Variants in CNTNAP2 observed in about 807,000 individuals in gnomAD.
CNTNAP2 encodes the protein contactin associated protein 2.
A neutral mutation model predicts 155.2 loss-of-function variants in CNTNAP2; 98 were observed. The ratio of observed to expected loss-of-function variants is 0.63; its 90% CI spans 0.54 to 0.75. CNTNAP2 has a LOEUF of 0.75. CNTNAP2 is among the 30% of genes least tolerant of loss of function. The pLI, the probability that CNTNAP2 is intolerant of heterozygous loss-of-function variation, is 0.00. For missense variants in CNTNAP2, 1,727 were observed against 1,688.1 expected, an observed-to-expected ratio of 1.02 and a Z score of -0.40; for synonymous variants, 651 against 631.2, an observed-to-expected ratio of 1.03 and a Z score of -0.47.
At chr7:146,852,472 C>T (rs1794897620) in intron 3 of CNTNAP2, among the ~76,000 whole-genome samples, 1 of 152,082 alleles carries the variant, frequency 6.6e-6, no homozygotes, top group African/African-American at 2.4e-5. Context: ...GAATCAATCT[C>T]CCACCCCGTC....
intron 8 of CNTNAP2, among the ~76,000 whole-genome samples, chr7:147,261,034 C>T (rs992761830): frequency 1.3e-5 from 2 of 152,152 alleles, no homozygotes; most frequent in African/African-American, 2.4e-5. Context: ...CATCTCTGTC[C>T]ACATTTTACA....
At chr7:147,804,210 T>C (rs1798053349) in intron 13 of CNTNAP2, among the ~76,000 whole-genome samples, 1 of 152,252 alleles carries the variant, frequency 6.6e-6, no homozygotes, top group Admixed American at 6.5e-5. Flanking sequence ...TGGAGTTTTT[T>C]CATACATTAT....
chr7:146,497,184 T>C (rs1251397640), intron 1 of CNTNAP2, among the ~76,000 whole-genome samples: 2 of 152,236 alleles, frequency 1.3e-5, no homozygotes, highest in African/African-American at 4.8e-5. Context: ...CTTAGTACTT[T>C]ATCTCCTCTG....
chr7:146,894,498 T>G (rs923985548), intron 3 of CNTNAP2, among the ~76,000 whole-genome samples: 1 of 152,180 alleles, frequency 6.6e-6, no homozygotes, highest in Admixed American at 6.5e-5. Context: ...ACTAGTTGTT[T>G]TCTTATGCTT....
At chr7:147,762,193 C>T (rs1204796090) in intron 13 of CNTNAP2, among the ~76,000 whole-genome samples, 2 of 110,200 alleles carry the variant, frequency 1.8e-5, no homozygotes, top group East Asian at 2.1e-4. Context: ...ACACACCATT[C>T]GGGTCAACAG....
chr7:146,400,354 G>A (rs1469849766), intron 1 of CNTNAP2, among the ~76,000 whole-genome samples: 2 of 152,084 alleles, frequency 1.3e-5, no homozygotes, highest in Non-Finnish European at 2.9e-5. Flanking sequence ...TATTGTTCTC[G>A]ACTTTGTTTC....
intron 11 of CNTNAP2, among the ~76,000 whole-genome samples, chr7:147,541,324 C>T (rs1393416436): frequency 6.6e-6 from 1 of 152,180 alleles, no homozygotes; most frequent in Non-Finnish European, 1.5e-5. Context: ...TGCTCTAAGC[C>T]TCACTTTCCT....
At chr7:147,435,288 G>A (rs1584946882) in intron 10 of CNTNAP2, among the ~76,000 whole-genome samples, 1 of 152,132 alleles carries the variant, frequency 6.6e-6, no homozygotes, top group Non-Finnish European at 1.5e-5. Context: ...AACTGCACGA[G>A]AGCCATCACA....
chr7:147,433,286 G>A (rs927146062), intron 10 of CNTNAP2, among the ~76,000 whole-genome samples: 15 of 152,112 alleles, frequency 9.9e-5, no homozygotes, highest in African/African-American at 3.6e-4. Context: ...AATTTGTTTA[G>A]GCGATAAATG....
chr7:147,198,766 T>C (rs758294985), intron 8 of CNTNAP2, among the ~76,000 whole-genome samples: 2 of 152,128 alleles, frequency 1.3e-5, no homozygotes, highest in Non-Finnish European at 2.9e-5. Flanking sequence ...GAATCATTTG[T>C]ATTTATCAAG....
intron 1 of CNTNAP2, among the ~76,000 whole-genome samples, chr7:146,325,562 G>A (rs564209962): frequency 6.6e-4 from 101 of 151,980 alleles, no homozygotes; most frequent in African/African-American, 2.1e-3. Context: ...AAAAACTGAA[G>A]GGGAAAAAGA....
chr7:146,889,051 G>A (rs1254150600), intron 3 of CNTNAP2, among the ~76,000 whole-genome samples: 1 of 151,784 alleles, frequency 6.6e-6, no homozygotes, highest in Admixed American at 6.6e-5. Flanking sequence ...AGGAAACATT[G>A]GGAACTGATA....
At chr7:148,288,690 G>A (rs1797133652) in intron 21 of CNTNAP2, among the ~76,000 whole-genome samples, 1 of 151,820 alleles carries the variant, frequency 6.6e-6, no homozygotes, top group Non-Finnish European at 1.5e-5. Flanking sequence ...TTTGAAAATT[G>A]TTCCAATCAT....
rs748180430 is a variant in CNTNAP2 at position 147,300,140 on chromosome 7, G to A, written c.1349-1G>A. Reference sequence around the variant, plus strand: ...AATGACTTTTATCTTGTACTTACCAGGTTCTGGGTTGAATGATGGACAGTG... The same window carrying A: ...AATGACTTTTATCTTGTACTTACCAAGTTCTGGGTTGAATGATGGACAGTG... On this transcript the variant is annotated splice_acceptor_variant, in intron 8 of 23. Coordinates refer to ENST00000361727, the MANE Select transcript of CNTNAP2 (RefSeq NM_014141.6). LOFTEE classifies it high-confidence loss of function. 2.5e-6 allele frequency: 4 copies of A among 1,613,966 alleles called. No individual in the cohort carries two copies. Among genetic ancestry groups the A allele is most frequent in the Non-Finnish European group, 3.4e-6 (4 of 1,179,918 alleles).
rs1199787676 is a variant in CNTNAP2, at chr7:147,151,830, G to A, written c.1348+19321G>A. 3.3e-5 allele frequency among the ~76,000 whole-genome samples: 5 copies of A among 152,086 alleles called. 1 individual carries two copies. In the East Asian group the frequency reaches 9.7e-4, roughly 29 times the overall value. On this transcript the variant is annotated intron_variant, in intron 8 of 23. Transcript: ENST00000361727. ...TCCAACATGTTTTCACTGCTCCTGAGCAGTTACAAACACAGCACAGAGCTG... is the reference window on the plus strand; with the variant it reads ...TCCAACATGTTTTCACTGCTCCTGAACAGTTACAAACACAGCACAGAGCTG...
chr7:146,352,750 GTT>G (rs531124445), intron 1 of CNTNAP2, among the ~76,000 whole-genome samples: 11 of 64,312 alleles, frequency 1.7e-4, no homozygotes, highest in African/African-American at 5.1e-4. Flanking sequence ...GCATAATTCT[GTT>G]TTTTTTTTTT....
At chr7:146,332,941 A>ATTTTTTTTTTTT (rs4016094) in intron 1 of CNTNAP2, among the ~76,000 whole-genome samples, 1 of 102,456 alleles carries the variant, frequency 9.8e-6, no homozygotes, top group Non-Finnish European at 2.0e-5. Context: ...TTCTTCTTCT[A>ATTTTTTTTTTTT]TTTTTTTTTT....
chr7:147,416,042 T>A (rs73740937), intron 10 of CNTNAP2, among the ~76,000 whole-genome samples: 2,517 of 152,324 alleles, frequency 0.017, 72 homozygotes, highest in African/African-American at 0.058. Flanking sequence ...CCAACTGAAT[T>A]TCTCTGCTTA....
intron 9 of CNTNAP2, among the ~76,000 whole-genome samples, chr7:147,371,620 T>G (rs538321978): frequency 2.2e-3 from 333 of 152,246 alleles, no homozygotes; most frequent in African/African-American, 7.7e-3. Context: ...GGCTGTAGAT[T>G]ACCAAGTTCT....
Sources: allele counts gnomAD v4.1 joint callset (sites outside exome capture counted in the v4.1 genomes callset), GRCh38; gene constraint gnomAD v4.1.1; transcripts MANE v1.5; gene names NCBI Gene and HGNC (gene_info 2026-07-23, HGNC 2026-07-21).